The following LNX1 variants were observed in gnomAD, a reference collection of about 807,000 sequenced individuals.
LNX1 encodes ligand of numb-protein X 1, also known as E3 ubiquitin-protein ligase LNX.
A neutral mutation model predicts 68.4 loss-of-function variants in LNX1; 54 were observed. That is an observed-to-expected ratio of 0.79 (90% CI 0.63 to 0.99). LNX1 has a LOEUF of 0.99. Among genes scored for constraint, LNX1 ranks in the 50% least tolerant of loss-of-function variants. The pLI is 0.00. For synonymous variants in LNX1, 336 were observed against 350.0 expected (o/e 0.96, Z 0.45); for missense variants, 906 against 926.4 (o/e 0.98, Z 0.29).
At chr4:53,634,828 A>ATTT (rs911484711) in intron 1 of LNX1, among the ~76,000 whole-genome samples, 1 of 149,714 alleles carries the variant, frequency 6.7e-6, no homozygotes, top group Non-Finnish European at 1.5e-5. Flanking sequence ...TTCTTTTTTA[A>ATTT]TTTTTTATTA....
chr4:53,608,315 G>T (rs1183200182), intron 2 of LNX1, among the ~76,000 whole-genome samples: 1 of 152,074 alleles, frequency 6.6e-6, no homozygotes, highest in Non-Finnish European at 1.5e-5. Context: ...AAATGAACAT[G>T]CACTTTTTAA....
intron 6 of LNX1, among the ~76,000 whole-genome samples, chr4:53,494,174 C>T (rs890866667): frequency 3.3e-5 from 5 of 152,140 alleles, no homozygotes; most frequent in African/African-American, 1.2e-4. Context: ...GGAGTGGTTT[C>T]CCCCATACCA....
intron 6 of LNX1, among the ~76,000 whole-genome samples, chr4:53,482,679 T>A (rs1347475821): frequency 1.3e-5 from 2 of 152,122 alleles, no homozygotes; most frequent in Non-Finnish European, 2.9e-5. Flanking sequence ...CAGAGTAATA[T>A]AATGGACTTT....
intron 1 of LNX1, among the ~76,000 whole-genome samples, chr4:53,644,814 C>T (rs1338083419): frequency 1.3e-5 from 2 of 152,116 alleles, no homozygotes; most frequent in African/African-American, 4.8e-5. Context: ...CCCAGAGAAC[C>T]AGTTTGGTGA....
chr4:53,576,450 T>G (rs1577743780), intron 1 of LNX1: 2 of 1,406,872 alleles, frequency 1.4e-6, no homozygotes, highest in Admixed American at 5.7e-5. Context: ...GGTGCCAAAG[T>G]GCAGCTGACT....
intron 1 of LNX1, among the ~76,000 whole-genome samples, chr4:53,589,418 C>T (rs1354339436): frequency 6.6e-6 from 1 of 152,184 alleles, no homozygotes; most frequent in Non-Finnish European, 1.5e-5. Flanking sequence ...TATCAAGGTT[C>T]CTACAACTGC....
At chr4:53,478,293 G>T (rs985032727) in intron 8 of LNX1, among the ~76,000 whole-genome samples, 25 of 152,078 alleles carry the variant, frequency 1.6e-4, no homozygotes, top group African/African-American at 5.1e-4. Flanking sequence ...TTTAATAGAG[G>T]TAACTTGCTC....
intron 2 of LNX1, among the ~76,000 whole-genome samples, chr4:53,596,607 T>C (rs138093259): frequency 6.6e-6 from 1 of 152,312 alleles, no homozygotes; most frequent in East Asian, 1.9e-4. Context: ...GTGGTGGCTG[T>C]TGCTATTTCG....
At chr4:53,540,382 G>C (rs556512478) in intron 2 of LNX1, among the ~76,000 whole-genome samples, 1 of 148,958 alleles carries the variant, frequency 6.7e-6, no homozygotes, top group African/African-American at 2.5e-5. Context: ...CCCTGTCCCC[G>C]CCTCCCCAGA....
chr4:53,631,447 G>A (rs530682306), intron 1 of LNX1, among the ~76,000 whole-genome samples: 7 of 152,256 alleles, frequency 4.6e-5, no homozygotes, highest in Admixed American at 4.6e-4. Context: ...ATGTGACCAA[G>A]TTGGCTGTTC....
intron 1 of LNX1, among the ~76,000 whole-genome samples, chr4:53,648,556 G>A (rs1734976430): frequency 6.6e-6 from 1 of 152,084 alleles, no homozygotes; most frequent in South Asian, 2.1e-4. Flanking sequence ...TCTGTGGCCT[G>A]TCTTTTTACT....
Position 53,508,007 on chromosome 4 carries a change from C to T in LNX1, c.601G>A (p.Gly201Ser), listed in dbSNP as rs777695081. The change falls in exon 3 of 11, where the codon GGC becomes AGC. Residue 201 changes from glycine to serine, a missense_variant. Coordinates refer to ENST00000263925, the MANE Select transcript of LNX1 (RefSeq NM_001126328.3). Reference protein sequence around the residue: ...GQPAISPVDSGRSNRTRARPF... With the variant: ...GQPAISPVDSSRSNRTRARPF... Reference sequence around the variant, plus strand: ...TCACCCCTAGTTCGGTTGCTCCGGCCAGAGTCCACTGGGCTGATTGCTGGC... The same window carrying T: ...TCACCCCTAGTTCGGTTGCTCCGGCTAGAGTCCACTGGGCTGATTGCTGGC... The T allele has an allele frequency of 3.7e-6, 6 of 1,613,960 alleles. No individual in the cohort carries two copies. The Admixed American group carries it at 8.3e-5, about 22-fold the overall frequency.
At chr4:53,629,692 T>C (rs1261077108) in intron 1 of LNX1, among the ~76,000 whole-genome samples, 1 of 152,130 alleles carries the variant, frequency 6.6e-6, no homozygotes, top group Non-Finnish European at 1.5e-5. Context: ...TCCTGCTCTG[T>C]GTTTGTTCAA....
At chr4:53,605,892 G>A (rs1733211087) in intron 2 of LNX1, among the ~76,000 whole-genome samples, 2 of 152,188 alleles carry the variant, frequency 1.3e-5, no homozygotes, top group South Asian at 4.1e-4. Flanking sequence ...ACATGGGAAT[G>A]CAGCAATCAC....
intron 2 of LNX1, among the ~76,000 whole-genome samples, chr4:53,570,845 G>A (rs1244155419): frequency 6.6e-6 from 1 of 151,444 alleles, no homozygotes; most frequent in Non-Finnish European, 1.5e-5. Flanking sequence ...GGCTAACACA[G>A]TGAAAACCCG....
chr4:53,589,608 G>A (rs555490869), intron 1 of LNX1, among the ~76,000 whole-genome samples: 11 of 152,160 alleles, frequency 7.2e-5, no homozygotes, highest in Non-Finnish European at 1.0e-4. Context: ...TTAGATCATG[G>A]GGATTATTAT....
Position 53,525,224 on chromosome 4 carries a change from C to T in LNX1, c.381-16997G>A, listed in dbSNP as rs115685301. Among the ~76,000 whole-genome samples the T allele has an allele frequency of 6.6e-3, 1,001 of 152,262 alleles. 6 individuals are homozygous for T. The highest frequency in any genetic ancestry group is 0.023 in the African/African-American group (960 of 41,542). On this transcript the variant is annotated intron_variant, in intron 2 of 10. Transcript: ENST00000263925. ...GCCAGGCTGGGAGCAGTGGCTCACA[C>T]ACATCCCAGCACCTTGGGAGGGTGA...
intron 1 of LNX1, among the ~76,000 whole-genome samples, chr4:53,584,164 T>C (rs4864802): frequency 0.3 from 43,987 of 148,250 alleles, 6,450 homozygotes; most frequent in Admixed American, 0.34. Context: ...GTTGTTGTTG[T>C]TTTTTTTAAA....
At chr4:53,517,970 G>A (rs1009257379) in intron 2 of LNX1, among the ~76,000 whole-genome samples, 2 of 152,050 alleles carry the variant, frequency 1.3e-5, no homozygotes, top group African/African-American at 4.8e-5. Context: ...AACCACACAC[G>A]GCTTCCCCTC....
Sources: allele counts gnomAD v4.1 joint callset (sites outside exome capture counted in the v4.1 genomes callset), GRCh38; gene constraint gnomAD v4.1.1; transcripts MANE v1.5; gene names NCBI Gene and HGNC (gene_info 2026-07-23, HGNC 2026-07-21).